Variants in RGS6 observed in about 807,000 individuals in gnomAD.
The protein encoded by RGS6 is regulator of G protein signaling 6.
RGS6 carries 30 observed loss-of-function variants against 78.5 expected under a neutral mutation model. That is an observed-to-expected ratio of 0.38 (90% CI 0.29 to 0.52). The LOEUF (loss-of-function observed/expected upper bound fraction) is 0.52. RGS6 is among the 20% of genes least tolerant of loss of function. The pLI, the probability that RGS6 is intolerant of heterozygous loss-of-function variation, is 0.85. For synonymous variants in RGS6, 206 were observed against 206.0 expected (o/e 1.00, Z 0.00); for missense variants, 495 against 609.7 (o/e 0.81, Z 1.98).
chr14:72,533,538 C>T lies in RGS6; in HGVS notation c.1279-2648C>T, dbSNP rs1231677788. Among the ~76,000 whole-genome samples the T allele has an allele frequency of 3.9e-5, 6 of 152,314 alleles. No individual in the cohort carries two copies. The South Asian group carries it at 1.2e-3, about 32-fold the overall frequency. On this transcript the variant is annotated intron_variant, in intron 15 of 17. Transcript: ENST00000553525. ...CTATAGCTGTCACAGACAGTGATTCCTCTGATGGATTTGGGCAAAGTAAAT... is the reference window on the plus strand; with the variant it reads ...CTATAGCTGTCACAGACAGTGATTCTTCTGATGGATTTGGGCAAAGTAAAT...
rs142150469 is a variant in RGS6, at chr14:72,145,982, G to A, written c.84+181107G>A. Among the ~76,000 whole-genome samples the A allele has an allele frequency of 5.5e-3, 843 of 152,288 alleles. 4 individuals are homozygous for A. Among genetic ancestry groups the A allele is most frequent in the Middle Eastern group, 0.02 (6 of 294 alleles). On this transcript the variant is annotated intron_variant, in intron 2 of 17. Transcript: ENST00000553525. ...TCTGTTCTCTGTTACCTGAGACTGA[G>A]TAATTTATTTTAAAAACTCAGAAAT...
At chr14:72,361,412 C>A (rs847333) in intron 3 of RGS6, among the ~76,000 whole-genome samples, 89,416 of 152,016 alleles carry the variant, frequency 0.59, 28,376 homozygotes, top group African/African-American at 0.84. Flanking sequence ...TAGTAATTAC[C>A]ACAAATTGTA....
chr14:72,086,528 C>T (rs1158898578), intron 2 of RGS6, among the ~76,000 whole-genome samples: 2 of 152,208 alleles, frequency 1.3e-5, no homozygotes, highest in Non-Finnish European at 2.9e-5. Context: ...TTGCATCTCT[C>T]TTTCCCCTTT....
intron 3 of RGS6, among the ~76,000 whole-genome samples, chr14:72,414,337 T>C (rs1310110484): frequency 6.6e-6 from 1 of 152,240 alleles, no homozygotes; most frequent in Non-Finnish European, 1.5e-5. Context: ...GATGATATCC[T>C]TTCTTCCAGT....
At chr14:72,612,991 G>GGC in the RGS6 span, among the ~76,000 whole-genome samples, 1 of 71,014 alleles carries the variant, frequency 1.4e-5, no homozygotes, top group South Asian at 6.7e-4. Context: ...CATTAAGTAG[G>GGC]GCGTGTGTGT....
chr14:72,127,493 C>T (rs1035347270), intron 2 of RGS6, among the ~76,000 whole-genome samples: 3 of 152,008 alleles, frequency 2.0e-5, no homozygotes, highest in Non-Finnish European at 2.9e-5. Flanking sequence ...ACTTTGAAAA[C>T]TAACAGTGTT....
the RGS6 span, among the ~76,000 whole-genome samples, chr14:72,616,094 C>A: frequency 6.6e-6 from 1 of 152,154 alleles, no homozygotes; most frequent in African/African-American, 2.4e-5. Context: ...CAGACCCGGG[C>A]CAGGATCTTT....
chr14:71,903,702 G>T, the RGS6 span, among the ~76,000 whole-genome samples: 9 of 152,290 alleles, frequency 5.9e-5, no homozygotes, highest in Admixed American at 5.2e-4. Context: ...CTTCTCTTGG[G>T]AGCCTTATTA....
chr14:71,873,879 CA>C, the RGS6 span, among the ~76,000 whole-genome samples: 9 of 152,186 alleles, frequency 5.9e-5, no homozygotes, highest in African/African-American at 2.2e-4. Flanking sequence ...GTTTTCCCAG[CA>C]CCATTTATTA....
At chr14:72,596,111 T>C in the RGS6 span, among the ~76,000 whole-genome samples, 3 of 152,322 alleles carry the variant, frequency 2.0e-5, no homozygotes, top group South Asian at 6.2e-4. Flanking sequence ...AACACAAATT[T>C]ATTATCTTTC....
intron 2 of RGS6, among the ~76,000 whole-genome samples, chr14:72,302,432 G>T (rs535115455): frequency 6.6e-6 from 1 of 152,164 alleles, no homozygotes; most frequent in African/African-American, 2.4e-5. Context: ...AAAGTTCGTT[G>T]TCACTAAAAG....
intron 2 of RGS6, among the ~76,000 whole-genome samples, chr14:72,175,167 T>A (rs2097089036): frequency 1.3e-5 from 2 of 152,208 alleles, no homozygotes; most frequent in African/African-American, 4.8e-5. Context: ...CCGAGAGTCT[T>A]TCCTCCAAAA....
the RGS6 span, among the ~76,000 whole-genome samples, chr14:72,622,850 C>T: frequency 6.6e-6 from 1 of 152,172 alleles, no homozygotes; most frequent in Non-Finnish European, 1.5e-5. Context: ...CCAACAACCT[C>T]ACCCCCTGAC....
At chr14:71,909,455 C>A in the RGS6 span, among the ~76,000 whole-genome samples, 1 of 151,030 alleles carries the variant, frequency 6.6e-6, no homozygotes, top group Non-Finnish European at 1.5e-5. Context: ...GAGAGACAGA[C>A]AGAGACAGAA....
rs1012208236 is a variant in RGS6 at position 72,563,584 on chromosome 14, A to T, written c.*1117A>T. The T allele has an allele frequency of 3.3e-5, 5 of 152,504 alleles. No homozygotes were observed. The highest frequency in any genetic ancestry group is 1.2e-4 in the African/African-American group (5 of 41,466). 9.4% of individuals were successfully genotyped at this position (152,504 alleles called of 1,614,324 possible). ...AGTCTTTATCTGAAGGCCCAGCCAAAGCACCCCTCTAAACCGGTCACCTAG... is the reference window on the plus strand; with the variant it reads ...AGTCTTTATCTGAAGGCCCAGCCAATGCACCCCTCTAAACCGGTCACCTAG... On this transcript the variant is annotated 3_prime_UTR_variant, in exon 18 of 18. Transcript: ENST00000553525.
intron 2 of RGS6, among the ~76,000 whole-genome samples, chr14:72,057,306 T>A (rs1286016577): frequency 4.8e-5 from 5 of 103,596 alleles, no homozygotes; most frequent in Admixed American, 1.2e-4. Context: ...AGAGTGAGAC[T>A]CTATCTGAAA....
chr14:72,058,289 A>G (rs1184975796), intron 2 of RGS6, among the ~76,000 whole-genome samples: 2 of 152,134 alleles, frequency 1.3e-5, no homozygotes, highest in Non-Finnish European at 2.9e-5. Context: ...ATTTTGAGGT[A>G]GTTTTCTTTA....
At chr14:72,374,196 C>T (rs1448037280) in intron 3 of RGS6, among the ~76,000 whole-genome samples, 1 of 151,914 alleles carries the variant, frequency 6.6e-6, no homozygotes, top group African/African-American at 2.4e-5. Context: ...CCCATTAACT[C>T]GTCATTTATA....
intron 17 of RGS6, among the ~76,000 whole-genome samples, chr14:72,555,781 A>ACAT (rs1001589247): frequency 1.3e-5 from 2 of 152,058 alleles, no homozygotes; most frequent in South Asian, 2.1e-4. Flanking sequence ...CATGTTGTGG[A>ACAT]CATAAGTAAG....
Sources: gnomAD v4.1 joint callset for allele counts (sites outside exome capture counted in the v4.1 genomes callset) on GRCh38, gnomAD v4.1.1 for gene constraint, MANE v1.5 for transcripts, NCBI Gene and HGNC (gene_info 2026-07-23, HGNC 2026-07-21) for gene names.